The following CDH2 variants were observed in gnomAD, a reference collection of about 807,000 sequenced individuals.
CDH2 encodes the protein cadherin 2.
CDH2 carries 17 observed loss-of-function variants against 92.0 expected under a neutral mutation model. That is an observed-to-expected ratio of 0.18 (90% confidence interval 0.13 to 0.28). The LOEUF (loss-of-function observed/expected upper bound fraction) is 0.28. Among genes scored for constraint, CDH2 ranks in the 10% least tolerant of loss-of-function variants. The probability of loss-of-function intolerance (pLI) is 1.00; values close to 1 mark genes in which losing one functional copy is unlikely to be tolerated. For missense variants in CDH2, 862 were observed against 1,133.1 expected (o/e 0.76, Z 3.44); for synonymous variants, 419 against 415.9 (o/e 1.01, Z -0.09).
intron 7 of CDH2, among the ~76,000 whole-genome samples, chr18:27,996,676 C>T (rs898614804): frequency 2.0e-5 from 3 of 152,154 alleles, no homozygotes; most frequent in African/African-American, 7.2e-5. Context: ...CACACACACA[C>T]GTGTCCCAAG....
chr18:27,996,842 G>A (rs1251309526), intron 7 of CDH2, among the ~76,000 whole-genome samples: 2 of 152,130 alleles, frequency 1.3e-5, no homozygotes, highest in African/African-American at 4.8e-5. Flanking sequence ...TAAAGAAAAA[G>A]CCATCTTCTA....
At chr18:28,127,860 GC>G (rs1247257392) in intron 2 of CDH2, among the ~76,000 whole-genome samples, 1 of 152,224 alleles carries the variant, frequency 6.6e-6, no homozygotes, top group African/African-American at 2.4e-5. Context: ...AGCTTTATGT[GC>G]ACAGGTATCA....
chr18:27,997,126 A>G (rs148429257), intron 7 of CDH2, among the ~76,000 whole-genome samples: 2 of 152,358 alleles, frequency 1.3e-5, no homozygotes, highest in African/African-American at 4.8e-5. Flanking sequence ...GGCAGTCTCT[A>G]CTTGATGAAG....
chr18:27,960,897 A>C (rs990921591), intron 15 of CDH2, among the ~76,000 whole-genome samples: 1 of 152,132 alleles, frequency 6.6e-6, no homozygotes, highest in Admixed American at 6.6e-5. Flanking sequence ...ATACCTGAGC[A>C]CTGTTTAGGA....
At chr18:27,974,690 AG>A (rs1250620253) in intron 14 of CDH2, among the ~76,000 whole-genome samples, 1 of 152,158 alleles carries the variant, frequency 6.6e-6, no homozygotes, top group African/African-American at 2.4e-5. Flanking sequence ...CGAAGTGATT[AG>A]GTCATGAGGG....
In CDH2 at chr18:28,090,651, A is replaced by C. The variant is rs143945449; in HGVS notation, c.172+57022T>G. Among the ~76,000 whole-genome samples, 5 of 152,284 alleles carry C rather than the reference A, an allele frequency of 3.3e-5. No homozygotes were observed. The East Asian group carries it at 9.7e-4, about 29-fold the overall frequency. On this transcript the variant is annotated intron_variant, in intron 2 of 15. Coordinates refer to ENST00000269141, the MANE Select transcript of CDH2 (RefSeq NM_001792.5). ...AGTAGCTTGTACTGTATTCCAGCAA[A>C]CTGGTGGCAATGCTATAAATGCTCT...
In CDH2 at chr18:28,147,555, A is replaced by T. The variant is rs528371919; in HGVS notation, c.172+118T>A. 39 of 576,910 alleles carry T rather than the reference A, an allele frequency of 6.8e-5. No individual in the cohort carries two copies. In the African/African-American group the frequency reaches 6.8e-4, roughly 10 times the overall value. The allele number at this position is 576,910 out of a possible 1,614,324, so 35.7% of individuals were successfully genotyped here. A position where few individuals can be genotyped will look rare whatever the true frequency, so the allele number is the denominator to read the frequency against. Reference sequence around the variant, plus strand: ...AATAAAGTCCCTACAGTCTCATCATAGTGATTGTGAAAAATTCATACTTGT... The same window carrying T: ...AATAAAGTCCCTACAGTCTCATCATTGTGATTGTGAAAAATTCATACTTGT... On this transcript the variant is annotated intron_variant, in intron 2 of 15. Coordinates refer to ENST00000269141, the MANE Select transcript of CDH2 (RefSeq NM_001792.5).
At chr18:28,001,716 C>T (rs1010519019) in intron 7 of CDH2, among the ~76,000 whole-genome samples, 1 of 152,218 alleles carries the variant, frequency 6.6e-6, no homozygotes, top group Non-Finnish European at 1.5e-5. Context: ...CATAGGCATA[C>T]ACTAACTCCT....
intron 1 of CDH2, among the ~76,000 whole-genome samples, chr18:28,156,820 T>C (rs867966138): frequency 1.7e-4 from 26 of 152,172 alleles, no homozygotes; most frequent in Middle Eastern, 3.4e-3. Context: ...AGGTATAGCA[T>C]GTCACCTTCC....
intron 2 of CDH2, among the ~76,000 whole-genome samples, chr18:28,128,081 A>G (rs987009176): frequency 3.3e-5 from 5 of 152,204 alleles, no homozygotes; most frequent in African/African-American, 4.8e-5. Flanking sequence ...GATTAAAGGA[A>G]GTGGTTAAAA....
At chr18:27,985,452 C>T in intron 12 of CDH2, 76 bp downstream of exon 12, 3 of 1,012,108 alleles carry the variant, frequency 3.0e-6, no homozygotes, top group Non-Finnish European at 4.4e-6. Flanking sequence ...TTATGAAGCA[C>T]ATAAAATTAA....
chr18:28,022,548 A>C (rs1205891555), intron 2 of CDH2, among the ~76,000 whole-genome samples: 2 of 152,132 alleles, frequency 1.3e-5, no homozygotes, highest in Non-Finnish European at 2.9e-5. Flanking sequence ...AAAGGGCAGT[A>C]GAGTATTTAC....
intron 2 of CDH2, among the ~76,000 whole-genome samples, chr18:28,143,040 T>C (rs939627793): frequency 6.6e-6 from 1 of 152,008 alleles, no homozygotes; most frequent in East Asian, 1.9e-4. Context: ...CAAGCCTCAA[T>C]CAGTAAGCAC....
intron 6 of CDH2, among the ~76,000 whole-genome samples, chr18:27,942,040 G>T (rs553209839): frequency 6.6e-6 from 1 of 152,256 alleles, no homozygotes; most frequent in East Asian, 1.9e-4. Flanking sequence ...ATTTAATGCT[G>T]CTTTTAATAA....
intron 2 of CDH2, among the ~76,000 whole-genome samples, chr18:28,019,738 G>A (rs673008): frequency 0.23 from 35,187 of 151,970 alleles, 4,323 homozygotes; most frequent in South Asian, 0.37. Flanking sequence ...CTGTTATTAC[G>A]ATTTTCAGAG....
intron 2 of CDH2, among the ~76,000 whole-genome samples, chr18:28,141,669 C>T (rs1054287360): frequency 1.3e-5 from 2 of 152,006 alleles, no homozygotes; most frequent in African/African-American, 4.8e-5. Flanking sequence ...TCTGCTCTTT[C>T]CTCAACACAA....
chr18:27,949,500 A>G (rs962047100), downstream of CDH2, among the ~76,000 whole-genome samples: 1 of 152,008 alleles, frequency 6.6e-6, no homozygotes, highest in Non-Finnish European at 1.5e-5. Flanking sequence ...CATATTATGG[A>G]ATAATATGTA....
At chr18:28,101,985 A>C (rs1314152382) in intron 2 of CDH2, among the ~76,000 whole-genome samples, 1 of 152,102 alleles carries the variant, frequency 6.6e-6, no homozygotes, top group Non-Finnish European at 1.5e-5. Flanking sequence ...GCTCAAGAGA[A>C]AAAAAACGAG....
intron 2 of CDH2, among the ~76,000 whole-genome samples, chr18:28,019,246 CT>C (rs1485849459): frequency 6.6e-6 from 1 of 151,674 alleles, no homozygotes; most frequent in African/African-American, 2.4e-5. Flanking sequence ...CACTAAAAAA[CT>C]TATTCATGGA....
Sources: allele counts gnomAD v4.1 joint callset (sites outside exome capture counted in the v4.1 genomes callset), GRCh38; gene constraint gnomAD v4.1.1; transcripts MANE v1.5; gene names NCBI Gene and HGNC (gene_info 2026-07-23, HGNC 2026-07-21).